The following SLIT2 variants were observed in gnomAD, a reference collection of about 807,000 sequenced individuals.
SLIT2 encodes the protein slit guidance ligand 2, also known as slit homolog 2 protein.
SLIT2 carries 41 observed loss-of-function variants against 185.7 expected under a neutral mutation model. The observed-to-expected ratio is 0.22, with a 90% CI of 0.17 to 0.29. SLIT2 has a LOEUF of 0.29. Ranked by LOEUF, SLIT2 falls within the 10% of genes least tolerant of loss-of-function variation. The probability of loss-of-function intolerance (pLI) is 1.00; values close to 1 mark genes in which losing one functional copy is unlikely to be tolerated. For synonymous variants in SLIT2, 693 were observed against 680.2 expected (o/e 1.02, Z -0.29); for missense variants, 1,571 against 1,909.0 (o/e 0.82, Z 3.30).
intron 33 of SLIT2, among the ~76,000 whole-genome samples, chr4:20,599,603 C>T (rs898848130): frequency 3.9e-4 from 60 of 152,140 alleles, no homozygotes; most frequent in African/African-American, 1.3e-3. Flanking sequence ...AACAGGATTT[C>T]ATCTACTCAG....
chr4:20,393,065 A>C (rs1725563722), intron 4 of SLIT2, among the ~76,000 whole-genome samples: 1 of 152,038 alleles, frequency 6.6e-6, no homozygotes, highest in Admixed American at 6.6e-5. Context: ...CACCACAGAC[A>C]CTTAAGTAAC....
intron 4 of SLIT2, among the ~76,000 whole-genome samples, chr4:20,277,796 G>A (rs1405579353): frequency 2.0e-5 from 3 of 148,754 alleles, no homozygotes; most frequent in Middle Eastern, 3.5e-3. Flanking sequence ...AACACAATAG[G>A]GAAGAATAAT....
intron 32 of SLIT2, among the ~76,000 whole-genome samples, chr4:20,597,228 GC>G (rs1728058483): frequency 6.6e-6 from 1 of 152,028 alleles, no homozygotes; most frequent in Non-Finnish European, 1.5e-5. Context: ...ACTATGTCTG[GC>G]TAATTTTTTT....
intron 4 of SLIT2, among the ~76,000 whole-genome samples, chr4:20,385,454 T>A (rs1413060177): frequency 6.6e-6 from 1 of 152,154 alleles, no homozygotes; most frequent in Non-Finnish European, 1.5e-5. Flanking sequence ...ATCAGTGATG[T>A]CCTCAAAAGT....
At position 20,366,819 on chromosome 4, in the gene SLIT2, AC is replaced by A. The variant is rs573339003; in HGVS notation, c.395+97939del. ...TAGTTTATTTTTTTTAATTTTTGAA[AC>A]AGGGTCTCACTCTATCACCCAGGCT... On this transcript the variant is annotated intron_variant, in intron 4 of 36. Transcript: ENST00000504154. 3.3e-3 allele frequency among the ~76,000 whole-genome samples: 504 copies of A among 152,118 alleles called. 1 individual carries two copies. The highest frequency in any genetic ancestry group is 5.0e-3 in the Non-Finnish European group (337 of 67,994).
intron 9 of SLIT2, among the ~76,000 whole-genome samples, chr4:20,509,008 TG>T (rs1475729050): frequency 6.6e-6 from 1 of 151,680 alleles, no homozygotes; most frequent in East Asian, 1.9e-4. Flanking sequence ...TTCCATTAAA[TG>T]TTACGCGTGT....
intron 4 of SLIT2, among the ~76,000 whole-genome samples, chr4:20,279,193 C>A (rs577535703): frequency 6.6e-6 from 1 of 152,108 alleles, no homozygotes; most frequent in African/African-American, 2.4e-5. Context: ...AATAAAATAT[C>A]GAGAAATACT....
At chr4:20,274,746 T>TG (rs1182993548) in intron 4 of SLIT2, among the ~76,000 whole-genome samples, 1 of 151,794 alleles carries the variant, frequency 6.6e-6, no homozygotes, top group East Asian at 1.9e-4. Context: ...TTCTGTGTTT[T>TG]TTTTTTTTTC....
At chr4:20,527,063 T>A (rs979515560) in intron 15 of SLIT2, among the ~76,000 whole-genome samples, 3 of 152,168 alleles carry the variant, frequency 2.0e-5, no homozygotes, top group African/African-American at 4.8e-5. Flanking sequence ...AAACTTCTTA[T>A]GAGATTCTGA....
intron 4 of SLIT2, among the ~76,000 whole-genome samples, chr4:20,450,241 A>G (rs1012104318): frequency 6.6e-6 from 1 of 152,228 alleles, no homozygotes; most frequent in Non-Finnish European, 1.5e-5. Context: ...ACAGTGTTGC[A>G]TATCCTCTCT....
At position 20,461,077 on chromosome 4, in the gene SLIT2, A is replaced by G. The variant is rs76902788; in HGVS notation, c.396-6675A>G. 8.0e-3 allele frequency among the ~76,000 whole-genome samples: 1,217 copies of G among 152,348 alleles called. 17 individuals carry two copies. The highest frequency in any genetic ancestry group is 0.027 in the African/African-American group (1,138 of 41,594). On this transcript the variant is annotated intron_variant, in intron 4 of 36. Transcript: ENST00000504154. ...AGAGAGGCTTAGTACTTTGCACAGCATCACATAGTTGATAGGTTATGGAGA... is the reference window on the plus strand; with the variant it reads ...AGAGAGGCTTAGTACTTTGCACAGCGTCACATAGTTGATAGGTTATGGAGA...
chr4:20,550,161 A>G (rs1303907021), intron 24 of SLIT2, among the ~76,000 whole-genome samples: 4 of 152,098 alleles, frequency 2.6e-5, no homozygotes, highest in Non-Finnish European at 4.4e-5. Flanking sequence ...TGTCCATATG[A>G]CAGATTCAAA....
At chr4:20,335,176 G>A (rs1720392717) in intron 4 of SLIT2, among the ~76,000 whole-genome samples, 1 of 152,106 alleles carries the variant, frequency 6.6e-6, no homozygotes, top group Admixed American at 6.6e-5. Flanking sequence ...AATTCAAGAT[G>A]AGATTTGAAT....
At chr4:20,449,398 G>C (rs984146217) in intron 4 of SLIT2, among the ~76,000 whole-genome samples, 2 of 152,056 alleles carry the variant, frequency 1.3e-5, no homozygotes, top group African/African-American at 2.4e-5. Flanking sequence ...GAAAAAACAG[G>C]GTTTTTGTTT....
At chr4:20,561,718 C>G (rs1054104529) in intron 26 of SLIT2, among the ~76,000 whole-genome samples, 6 of 151,316 alleles carry the variant, frequency 4.0e-5, no homozygotes, top group African/African-American at 1.5e-4. Context: ...TGGAAATTAC[C>G]TTAGATTTTG....
At chr4:20,472,248 A>ATATATATCTATATATATATC (rs1450139711) in intron 5 of SLIT2, among the ~76,000 whole-genome samples, 1 of 38,704 alleles carries the variant, frequency 2.6e-5, no homozygotes, top group African/African-American at 1.1e-4. Context: ...CTATATATCT[A>ATATATATCTATATATATATC]TATATAGATC....
intron 4 of SLIT2, among the ~76,000 whole-genome samples, chr4:20,379,445 G>T (rs1192274916): frequency 1.3e-5 from 2 of 152,144 alleles, no homozygotes; most frequent in African/African-American, 2.4e-5. Flanking sequence ...ATGATAGTAA[G>T]TGTGAGTGCT....
chr4:20,409,759 TA>T (rs1727060838), intron 4 of SLIT2, among the ~76,000 whole-genome samples: 1 of 152,166 alleles, frequency 6.6e-6, no homozygotes, highest in Non-Finnish European at 1.5e-5. Context: ...TAATAATAGC[TA>T]TTCTTACTGG....
chr4:20,431,038 G>C (rs1203820295), intron 4 of SLIT2, among the ~76,000 whole-genome samples: 2 of 152,204 alleles, frequency 1.3e-5, no homozygotes, highest in Non-Finnish European at 2.9e-5. Context: ...CTTAGTATTT[G>C]AACCGTGTTA....
Sources: gnomAD v4.1 joint callset for allele counts (sites outside exome capture counted in the v4.1 genomes callset) on GRCh38, gnomAD v4.1.1 for gene constraint, MANE v1.5 for transcripts, NCBI Gene and HGNC (gene_info 2026-07-23, HGNC 2026-07-21) for gene names.